CAST: variants seen among roughly 807,000 people sequenced by gnomAD.
CAST encodes the protein calpastatin.
CAST carries 76 observed loss-of-function variants against 119.6 expected under a neutral mutation model. That is an observed-to-expected ratio of 0.64 (90% CI 0.53 to 0.77). CAST has a LOEUF of 0.77. CAST is among the 30% of genes least tolerant of loss of function. The probability of loss-of-function intolerance (pLI) is 0.00; values close to 1 mark genes in which losing one functional copy is unlikely to be tolerated. For synonymous variants in CAST, 319 were observed against 331.6 expected (o/e 0.96, Z 0.41); for missense variants, 953 against 946.5 (o/e 1.01, Z -0.09).
the CAST span, among the ~76,000 whole-genome samples, chr5:96,053,913 C>T: frequency 1.3e-5 from 2 of 152,202 alleles, no homozygotes; most frequent in Non-Finnish European, 2.9e-5. Context: ...TCCCCCAACT[C>T]CACTACAGCT....
the CAST span, among the ~76,000 whole-genome samples, chr5:96,398,439 C>T: frequency 6.6e-6 from 1 of 152,196 alleles, no homozygotes; most frequent in Admixed American, 6.5e-5. Flanking sequence ...ATTCATGTTA[C>T]TATGATAAAT....
chr5:96,107,727 T>A, the CAST span, among the ~76,000 whole-genome samples: 2 of 152,214 alleles, frequency 1.3e-5, no homozygotes, highest in East Asian at 1.9e-4. Flanking sequence ...TCAAGGAGTA[T>A]CTTTGTGGCG....
the CAST span, among the ~76,000 whole-genome samples, chr5:96,400,813 C>A: frequency 1.3e-5 from 2 of 151,852 alleles, no homozygotes; most frequent in African/African-American, 4.9e-5. Context: ...CCAGGCTGGG[C>A]GCGGTGGCTC....
At chr5:96,343,766 G>A in the CAST span, among the ~76,000 whole-genome samples, 2 of 152,146 alleles carry the variant, frequency 1.3e-5, no homozygotes, top group African/African-American at 4.8e-5. Flanking sequence ...GAAAATAATG[G>A]TGTGATTTAC....
At chr5:96,730,667 T>C in intron 8 of CAST, 113 bp from the exon 9 acceptor site, 4 of 754,046 alleles carry the variant, frequency 5.3e-6, no homozygotes, top group Non-Finnish European at 9.4e-6. Context: ...CATTCCCTTA[T>C]GGTGTCCGTG....
At chr5:96,192,215 G>T in the CAST span, among the ~76,000 whole-genome samples, 8 of 152,170 alleles carry the variant, frequency 5.3e-5, no homozygotes, top group Non-Finnish European at 1.2e-4. Flanking sequence ...GCTATTTTCA[G>T]AACAATAGAT....
At chr5:96,054,844 A>G in the CAST span, among the ~76,000 whole-genome samples, 1 of 152,196 alleles carries the variant, frequency 6.6e-6, no homozygotes, top group East Asian at 1.9e-4. Flanking sequence ...AACTGGAGGT[A>G]GAAGGCCTGG....
chr5:96,497,831 A>G, the CAST span, among the ~76,000 whole-genome samples: 1 of 152,180 alleles, frequency 6.6e-6, no homozygotes, highest in African/African-American at 2.4e-5. Flanking sequence ...CTCTGATGGT[A>G]GTTTCTTTTG....
chr5:96,520,299 G>A (rs186877349), upstream of CAST, among the ~76,000 whole-genome samples: 11 of 152,330 alleles, frequency 7.2e-5, no homozygotes, highest in Admixed American at 3.9e-4. Flanking sequence ...TGCTATGTCC[G>A]AGGGTGGGAG....
the CAST span, among the ~76,000 whole-genome samples, chr5:96,059,564 A>G: frequency 0.021 from 3,146 of 152,196 alleles, 74 homozygotes; most frequent in Admixed American, 0.073. Context: ...TGACCTTGAT[A>G]CCTTAAGACC....
At chr5:96,375,904 T>TATATATAAATATATAAATATAA in the CAST span, among the ~76,000 whole-genome samples, 2 of 147,190 alleles carry the variant, frequency 1.4e-5, no homozygotes, top group African/African-American at 2.5e-5. Flanking sequence ...TCTCTCTATA[T>TATATATAAATATATAAATATAA]ATATATATAA....
chr5:96,620,288 C>CTTTTTT (rs60552077), intron 1 of CAST, among the ~76,000 whole-genome samples: 3 of 134,558 alleles, frequency 2.2e-5, no homozygotes, highest in Non-Finnish European at 3.3e-5. Context: ...AGTTCTTTTT[C>CTTTTTT]TTTTTTTTTT....
At chr5:96,078,992 C>A in the CAST span, 5 of 399,548 alleles carry the variant, frequency 1.3e-5, no homozygotes, top group Non-Finnish European at 2.5e-5. Flanking sequence ...GGGTTCTAGA[C>A]TTAATACCTG....
At chr5:96,768,093 G>T in intron 29 of CAST, 94 bp downstream of exon 29, 1 of 852,876 alleles carries the variant, frequency 1.2e-6, no homozygotes, top group Middle Eastern at 2.2e-4. Flanking sequence ...CTATCTATCG[G>T]TCTGTCTTGT....
the CAST span, among the ~76,000 whole-genome samples, chr5:96,134,808 G>A: frequency 2.6e-5 from 4 of 152,306 alleles, no homozygotes; most frequent in East Asian, 3.9e-4. Context: ...ACGGTTTTCT[G>A]CCTCTAGTAG....
the CAST span, among the ~76,000 whole-genome samples, chr5:96,155,195 A>C: frequency 6.6e-6 from 1 of 152,146 alleles, no homozygotes; most frequent in Non-Finnish European, 1.5e-5. Flanking sequence ...ATGTGCTTTC[A>C]CCCACTGTAC....
At chr5:96,261,254 T>C in the CAST span, among the ~76,000 whole-genome samples, 1 of 152,246 alleles carries the variant, frequency 6.6e-6, no homozygotes, top group Non-Finnish European at 1.5e-5. Context: ...TGTTCTGCCA[T>C]GGGCAGGTCT....
At chr5:96,750,723 G>C (rs1345947308) in intron 20 of CAST, 41 bp downstream of exon 20, 1 of 1,143,794 alleles carries the variant, frequency 8.7e-7, no homozygotes, top group Non-Finnish European at 1.3e-6. Flanking sequence ...GCTTGAGAAA[G>C]TTTTCTGCCT....
the CAST span, among the ~76,000 whole-genome samples, chr5:96,320,046 T>G: frequency 1.5e-4 from 22 of 151,028 alleles, no homozygotes; most frequent in African/African-American, 4.4e-4. Flanking sequence ...ATAGCAGAGA[T>G]CTGTTGAATC....
Sources: gnomAD v4.1 joint callset for allele counts (sites outside exome capture counted in the v4.1 genomes callset) on GRCh38, gnomAD v4.1.1 for gene constraint, MANE v1.5 for transcripts, NCBI Gene and HGNC (gene_info 2026-07-23, HGNC 2026-07-21) for gene names.